Variants in ITFG2 observed in about 807,000 individuals in gnomAD.
ITFG2 encodes the protein integrin alpha FG-GAP repeat containing 2, also known as KICSTOR complex protein ITFG2.
ITFG2 carries 36 observed loss-of-function variants against 54.4 expected under a neutral mutation model. The ratio of observed to expected loss-of-function variants is 0.66; its 90% CI spans 0.51 to 0.87. The LOEUF is 0.87. ITFG2 is among the 40% of genes least tolerant of loss of function. The pLI is 0.00. For missense variants in ITFG2, 524 were observed against 576.7 expected (o/e 0.91, Z 0.94); for synonymous variants, 211 against 225.4 (o/e 0.94, Z 0.57).
upstream of ITFG2, among the ~76,000 whole-genome samples, chr12:2,834,389 C>G (rs1409594594): frequency 6.6e-6 from 1 of 152,174 alleles, no homozygotes; most frequent in Non-Finnish European, 1.5e-5. Context: ...TCCTCACCAC[C>G]CTCAAGTTTG....
Position 2,818,789 on chromosome 12 carries a change from A to G in ITFG2, c.406+512A>G, listed in dbSNP as rs551739455. The G allele has an allele frequency of 3.0e-5, 5 of 165,526 alleles. No individual in the cohort carries two copies. In the South Asian group the frequency reaches 7.8e-4, roughly 26 times the overall value. The allele number at this position is 165,526 out of a possible 1,614,324, so 10.3% of individuals were successfully genotyped here. ...TCCCACGACTTTGGGAGGCCAAGGC[A>G]GGCAGATCACTTGAGTTCAGGAGTT... On this transcript the variant is annotated intron_variant, in intron 4 of 11. Transcript: ENST00000228799.
upstream of ITFG2, among the ~76,000 whole-genome samples, chr12:2,833,729 GAAT>G (rs948423470): frequency 9.9e-5 from 15 of 152,148 alleles, no homozygotes; most frequent in Middle Eastern, 3.4e-3. Flanking sequence ...ATAGCTGGGG[GAAT>G]AATAATAATA....
intron 10 of ITFG2, 143 bp from the exon 11 acceptor site, chr12:2,823,627 A>C: frequency 9.7e-7 from 1 of 1,033,976 alleles, no homozygotes; most frequent in Non-Finnish European, 1.4e-6. Flanking sequence ...AGTTCCCAAC[A>C]GAGAAGAAAT....
At chr12:2,854,385 A>G (rs900400927) in intron 2 of ITFG2, among the ~76,000 whole-genome samples, 9 of 152,130 alleles carry the variant, frequency 5.9e-5, no homozygotes, top group Non-Finnish European at 1.2e-4. Flanking sequence ...ATCCTCCCAC[A>G]GTGAGGTCGG....
intron 4 of ITFG2, among the ~76,000 whole-genome samples, chr12:2,819,339 G>A (rs1187100165): frequency 1.3e-5 from 2 of 152,098 alleles, no homozygotes; most frequent in African/African-American, 2.4e-5. Context: ...ATGGTGGTGG[G>A]CACCTGTAGT....
chr12:2,830,950 TCCCCCCAC>T (rs1565430908), downstream of ITFG2: 14 of 1,383,952 alleles, frequency 1.0e-5, no homozygotes, highest in Non-Finnish European at 1.3e-5. Flanking sequence ...CCCAGGATGC[TCCCCCCAC>T]CCCCCCAGCC....
Position 2,823,886 on chromosome 12 carries a change from G to A in ITFG2, c.1183G>A (p.Val395Met), listed in dbSNP as rs1393236438. The A allele has an allele frequency of 6.2e-7, 1 of 1,613,642 alleles. No homozygotes were observed. Among genetic ancestry groups the A allele is most frequent in the Non-Finnish European group, 8.5e-7 (1 of 1,179,754 alleles). The change falls in exon 11 of 12, where the codon GTG becomes ATG. Residue 395 changes from valine (V) to methionine (M), a missense_variant. By Grantham distance (21) the Val-to-Met change is conservative. Coordinates refer to ENST00000228799, the MANE Select transcript of ITFG2 (RefSeq NM_018463.4). ...QLERMESTNL[V>M]KLLETKPEYH... ...GGAGCGGATGGAGTCTACCAATCTG[G>A]TGAAACTGCTGGAGACCAAGCCGGA...
At chr12:2,830,878 C>T in exon 3 of ITFG2, 1 of 1,609,646 alleles carries the variant, frequency 6.2e-7, no homozygotes, top group South Asian at 1.1e-5. Flanking sequence ...CATCACAAAA[C>T]AATGAAGGTA....
intron 9 of ITFG2, 73 bp from the exon 10 acceptor site, chr12:2,822,721 C>T: frequency 7.6e-7 from 1 of 1,311,448 alleles, no homozygotes; most frequent in South Asian, 1.2e-5. Flanking sequence ...AAATTCCTCC[C>T]CAGCTCGCTG....
In ITFG2 at chr12:2,824,278, G is replaced by A. The variant is rs1312266881; in HGVS notation, c.*85G>A. 1.5e-6 allele frequency: 2 copies of A among 1,341,454 alleles called. No homozygotes were observed. Among genetic ancestry groups the A allele is most frequent in the Non-Finnish European group, 2.1e-6 (2 of 937,934 alleles). 83.1% of individuals were successfully genotyped at this position (1,341,454 alleles called of 1,614,324 possible). On this transcript the variant is annotated 3_prime_UTR_variant, in exon 12 of 12. Coordinates refer to ENST00000228799, the MANE Select transcript of ITFG2 (RefSeq NM_018463.4). ...GTATCTGTGGTATTGGCAGGATAGG[G>A]AATATGCATTACAGAAATGCAGGAT...
At chr12:2,821,646 C>T (rs1262011774) in intron 8 of ITFG2, 46 bp from the exon 9 acceptor site, 8 of 1,613,386 alleles carry the variant, frequency 5.0e-6, no homozygotes, top group Non-Finnish European at 6.8e-6. Context: ...GTAGGGTCTG[C>T]TCGGGGCCTA....
At chr12:2,840,930 T>C (rs972871528) in exon 2 of ITFG2, 2 of 152,334 alleles carry the variant, frequency 1.3e-5, no homozygotes, top group African/African-American at 4.8e-5. Context: ...CATTTACACA[T>C]AGGTCACTAT....
At chr12:2,842,116 G>C (rs966897896) in intron 2 of ITFG2, among the ~76,000 whole-genome samples, 2 of 82,990 alleles carry the variant, frequency 2.4e-5, no homozygotes, top group Admixed American at 1.7e-4. Context: ...AATTTCACTT[G>C]TTTCTTTTTT....
chr12:2,812,903 C>T, intron 1 of ITFG2, 47 bp downstream of exon 1: 1 of 1,524,798 alleles, frequency 6.6e-7, no homozygotes, highest in Non-Finnish European at 9.0e-7. Context: ...TGTGCAGGGA[C>T]GGGGCAAGGG....
At chr12:2,858,906 C>G (rs1226668923) in intron 3 of ITFG2, 1 of 1,613,906 alleles carries the variant, frequency 6.2e-7, no homozygotes, top group East Asian at 2.2e-5. Context: ...ACTGAGGAGC[C>G]TTTGCGGTGA....
chr12:2,848,996 C>T (rs1406188049), intron 2 of ITFG2: 1 of 527,946 alleles, frequency 1.9e-6, no homozygotes, highest in Non-Finnish European at 3.3e-6. Flanking sequence ...GGCCGCAGTC[C>T]TCCCACCTTC....
At chr12:2,846,938 C>T (rs1214159310) in intron 2 of ITFG2, among the ~76,000 whole-genome samples, 3 of 152,112 alleles carry the variant, frequency 2.0e-5, no homozygotes, top group East Asian at 1.9e-4. Flanking sequence ...TTAAAGTGTA[C>T]GTACACTTCA....
At chr12:2,840,602 C>T (rs901639659) in intron 1 of ITFG2, among the ~76,000 whole-genome samples, 6 of 151,872 alleles carry the variant, frequency 4.0e-5, no homozygotes, top group East Asian at 2.0e-4. Context: ...CTGGCTAACA[C>T]GGTGAAACCC....
chr12:2,853,205 G>A (rs945500840), intron 2 of ITFG2, among the ~76,000 whole-genome samples: 1 of 152,082 alleles, frequency 6.6e-6, no homozygotes, highest in African/African-American at 2.4e-5. Flanking sequence ...CAGGGCAAGG[G>A]TAGCAGGGAA....
Sources: allele counts gnomAD v4.1 joint callset (sites outside exome capture counted in the v4.1 genomes callset), GRCh38; gene constraint gnomAD v4.1.1; transcripts MANE v1.5; gene names NCBI Gene and HGNC (gene_info 2026-07-23, HGNC 2026-07-21).